Variants in GKAP1 observed in about 807,000 individuals in gnomAD.
The protein encoded by GKAP1 is G kinase-anchoring protein 1.
Under a neutral mutation model 56.7 loss-of-function variants are expected in GKAP1, and 31 were observed. The ratio of observed to expected loss-of-function variants is 0.55; its 90% CI spans 0.41 to 0.74. The LOEUF (loss-of-function observed/expected upper bound fraction) is 0.74. GKAP1 is among the 30% of genes least tolerant of loss of function. The pLI, the probability that GKAP1 is intolerant of heterozygous loss-of-function variation, is 0.00. For missense variants in GKAP1, 364 were observed against 402.3 expected, an observed-to-expected ratio of 0.90 and a Z score of 0.82; for synonymous variants, 151 against 138.6, an observed-to-expected ratio of 1.09 and a Z score of -0.63.
chr9:83,780,848 G>C (rs957134565), intron 6 of GKAP1, among the ~76,000 whole-genome samples: 2 of 152,028 alleles, frequency 1.3e-5, no homozygotes, highest in Non-Finnish European at 2.9e-5. Flanking sequence ...AGTAATTTAT[G>C]TCCTTTAAAA....
intron 7 of GKAP1, among the ~76,000 whole-genome samples, chr9:83,771,159 T>G (rs1943753492): frequency 6.6e-6 from 1 of 151,834 alleles, no homozygotes; most frequent in Non-Finnish European, 1.5e-5. Context: ...CCCCTTTAGG[T>G]TCAAGCGATT....
chr9:83,790,585 C>T (rs1356746733), intron 4 of GKAP1, among the ~76,000 whole-genome samples: 1 of 151,964 alleles, frequency 6.6e-6, no homozygotes. Flanking sequence ...GAGTTTGAGA[C>T]CAGCCTGGCC....
Position 83,784,758 on chromosome 9 carries a change from T to A in GKAP1, c.519A>T (p.Lys173Asn), listed in dbSNP as rs779573874. 25 of 1,604,136 alleles carry A rather than the reference T, an allele frequency of 1.6e-5. No individual in the cohort carries two copies. The highest frequency in any genetic ancestry group is 3.4e-5 in the Admixed American group (2 of 59,012). Reference protein sequence around the residue: ...KKDKRKNHQGKDRPLTVSLKD... With the variant: ...KKDKRKNHQGNDRPLTVSLKD... The stretch of plus-strand genomic sequence containing the variant: ...TTAGTGATACTGTGAGAGGTCTGTC[T>A]TTTCCCTGATGATTCTTTCTTTTAT... The change falls in exon 6 of 13, where the codon AAA (lysine) becomes AAT (asparagine). Residue 173 changes from lysine to asparagine, a missense_variant. Coordinates refer to ENST00000376371, the MANE Select transcript of GKAP1 (RefSeq NM_025211.4).
intron 2 of GKAP1, among the ~76,000 whole-genome samples, chr9:83,812,357 A>G (rs915726974): frequency 4.7e-5 from 7 of 148,200 alleles, no homozygotes; most frequent in Admixed American, 2.0e-4. Context: ...ATATATATAT[A>G]TATTTTTTTT....
rs766110123 is a variant in GKAP1, at chr9:83,768,892, T to A, written c.664A>T (p.Ile222Phe). ...RLEDDVHKIL[I>F]REKRREQLTE... ...AGCTGTTCTCTTCGTTTTTCTCTAA[T>A]AAGAATTTTATGAACATCATCTTCC... Residue 222 changes from isoleucine to phenylalanine, a missense_variant, in exon 8 of 13, where the codon ATT becomes TTT. Physicochemically the swap from Ile to Phe is conservative, Grantham distance 21. Coordinates refer to ENST00000376371, the MANE Select transcript of GKAP1 (RefSeq NM_025211.4). The A allele has an allele frequency of 1.2e-6, 2 of 1,611,758 alleles. No homozygotes were observed. The highest frequency in any genetic ancestry group is 2.2e-5 in the South Asian group (2 of 91,044).
At chr9:83,762,749 C>T (rs1348012534) in intron 8 of GKAP1, among the ~76,000 whole-genome samples, 2 of 152,120 alleles carry the variant, frequency 1.3e-5, no homozygotes, top group South Asian at 4.1e-4. Flanking sequence ...AATCCACACA[C>T]CTGAGGTGAA....
chr9:83,775,703 C>G (rs1276996142), intron 7 of GKAP1, among the ~76,000 whole-genome samples: 4 of 151,356 alleles, frequency 2.6e-5, no homozygotes, highest in African/African-American at 9.7e-5. Context: ...CAGTGAAACC[C>G]CGTCTCTAAT....
intron 4 of GKAP1, among the ~76,000 whole-genome samples, chr9:83,794,759 T>C (rs1944216128): frequency 6.6e-6 from 1 of 152,224 alleles, no homozygotes; most frequent in Non-Finnish European, 1.5e-5. Flanking sequence ...GCATCATGCA[T>C]AAAGCAGATT....
At chr9:83,770,246 A>C (rs12349272) in intron 7 of GKAP1, among the ~76,000 whole-genome samples, 50,917 of 152,042 alleles carry the variant, frequency 0.33, 9,107 homozygotes, top group Admixed American at 0.48. Flanking sequence ...TAACTCAAAA[A>C]TTTACTCCTA....
intron 10 of GKAP1, among the ~76,000 whole-genome samples, chr9:83,747,021 T>C (rs1379184479): frequency 3.9e-5 from 6 of 152,242 alleles, no homozygotes; most frequent in Non-Finnish European, 7.3e-5. Flanking sequence ...GAGCTATCTT[T>C]GGAGTTTCAT....
intron 8 of GKAP1, among the ~76,000 whole-genome samples, chr9:83,761,572 T>G (rs542866742): frequency 1.3e-5 from 2 of 152,194 alleles, no homozygotes; most frequent in East Asian, 1.9e-4. Context: ...ATGAGGCCAG[T>G]ATTACCCTGA....
chr9:83,814,265 C>T (rs1355967711), intron 2 of GKAP1, among the ~76,000 whole-genome samples: 2 of 152,174 alleles, frequency 1.3e-5, no homozygotes, highest in Non-Finnish European at 2.9e-5. Context: ...TTTGCATGTA[C>T]TCCAAGAAAA....
rs1944373106 is a variant in GKAP1, at chr9:83,803,681, T to C, written c.216+2621A>G. ...GCCTCTGCCCGGCCGCCACCCCGTC[T>C]GGGAAGTGAGGAGCGTCTCTGCCTG... On this transcript the variant is annotated intron_variant, in intron 3 of 12. Transcript: ENST00000376371. Among the ~76,000 whole-genome samples the C allele has an allele frequency of 2.0e-5, 3 of 151,866 alleles. No individual in the cohort carries two copies. The South Asian group carries it at 6.2e-4, about 32-fold the overall frequency.
At chr9:83,777,904 TG>T (rs1216356043) in intron 7 of GKAP1, among the ~76,000 whole-genome samples, 1 of 152,210 alleles carries the variant, frequency 6.6e-6, no homozygotes. Context: ...TCTAGATCAA[TG>T]GTATAACCGT....
In GKAP1 at chr9:83,739,761, A is replaced by T; in HGVS notation, c.1054-17T>A. 2 of 1,597,380 alleles carry T rather than the reference A, an allele frequency of 1.3e-6. No individual in the cohort carries two copies. The highest frequency in any genetic ancestry group is 8.5e-7 in the Non-Finnish European group (1 of 1,170,086). On this transcript the variant is annotated splice_polypyrimidine_tract_variant and intron_variant, in intron 12 of 12. Transcript: ENST00000376371. ...TCTGCCACCCTGTAAAAAAAAAAAA[A>T]AATAGGGAAAATTATTTACAACATA...
At chr9:83,780,307 A>G in intron 7 of GKAP1, 75 bp downstream of exon 7, 1 of 860,622 alleles carries the variant, frequency 1.2e-6, no homozygotes, top group Non-Finnish European at 1.8e-6. Flanking sequence ...CTCAAAAAAG[A>G]CTTACTGCTA....
intron 3 of GKAP1, among the ~76,000 whole-genome samples, chr9:83,805,025 AG>A (rs889088824): frequency 6.6e-6 from 1 of 152,124 alleles, no homozygotes; most frequent in East Asian, 1.9e-4. Context: ...GTGGAATAGA[AG>A]GGGGGGAAAG....
chr9:83,809,364 C>A (rs1944478515), intron 2 of GKAP1, among the ~76,000 whole-genome samples: 2 of 152,220 alleles, frequency 1.3e-5, no homozygotes, highest in Admixed American at 1.3e-4. Context: ...TCATCCGGTG[C>A]TCCTCAGTGG....
chr9:83,792,960 A>C (rs757824744), intron 4 of GKAP1: 1 of 1,251,908 alleles, frequency 8.0e-7, no homozygotes, highest in Admixed American at 2.5e-5. Flanking sequence ...CATGTGTCCA[A>C]GATGGAGTAC....
Sources: allele counts gnomAD v4.1 joint callset (sites outside exome capture counted in the v4.1 genomes callset), GRCh38; gene constraint gnomAD v4.1.1; transcripts MANE v1.5; gene names NCBI Gene and HGNC (gene_info 2026-07-23, HGNC 2026-07-21).